The following TRIQK variants were observed in gnomAD, a reference collection of about 807,000 sequenced individuals.
TRIQK encodes the protein triple QxxK/R motif-containing protein.
Under a neutral mutation model 10.8 loss-of-function variants are expected in TRIQK, and 10 were observed. The ratio of observed to expected loss-of-function variants is 0.92; its 90% CI spans 0.57 to 1.57. TRIQK has a LOEUF of 1.57. Among genes scored for constraint, TRIQK ranks in the 40% most tolerant of loss-of-function variants. The probability of loss-of-function intolerance (pLI) is 0.00; values close to 1 mark genes in which losing one functional copy is unlikely to be tolerated. For synonymous variants in TRIQK, 33 were observed against 33.7 expected, an observed-to-expected ratio of 0.98 and a Z score of 0.07; for missense variants, 107 against 97.7, an observed-to-expected ratio of 1.09 and a Z score of -0.40.
At chr8:92,959,253 G>T (rs575301044) in intron 1 of TRIQK, among the ~76,000 whole-genome samples, 2 of 151,926 alleles carry the variant, frequency 1.3e-5, no homozygotes, top group African/African-American at 4.8e-5. Context: ...TCAATGGTTT[G>T]GGGATATTTT....
intron 1 of TRIQK, among the ~76,000 whole-genome samples, chr8:93,008,259 T>C (rs1457796484): frequency 6.6e-6 from 1 of 152,144 alleles, no homozygotes; most frequent in East Asian, 1.9e-4. Flanking sequence ...GTAATAAACC[T>C]GCACATACTG....
intron 2 of TRIQK, among the ~76,000 whole-genome samples, chr8:92,917,639 T>G (rs1197323861): frequency 6.6e-6 from 1 of 152,016 alleles, no homozygotes; most frequent in African/African-American, 2.4e-5. Flanking sequence ...GGTGGATATA[T>G]GTAATATTTT....
Position 92,884,830 on chromosome 8 carries a change from G to A in TRIQK, c.*1792C>T, listed in dbSNP as rs922102306. ...AAATAACTAAATGAAAATTGTTCAC[G>A]TAAATGTGATGGGAGTGGGGGGGTG... On this transcript the variant is annotated 3_prime_UTR_variant, in exon 5 of 5. Coordinates refer to ENST00000521988, the MANE Select transcript of TRIQK (RefSeq NM_001171797.2). The A allele has an allele frequency of 8.8e-6, 4 of 455,026 alleles. No individual in the cohort carries two copies. The highest frequency in any genetic ancestry group is 1.8e-5 in the Non-Finnish European group (4 of 226,430). The allele number at this position is 455,026 out of a possible 1,614,324, so 28.2% of individuals were successfully genotyped here.
intron 1 of TRIQK, among the ~76,000 whole-genome samples, chr8:92,980,174 A>G (rs1812972527): frequency 6.6e-6 from 1 of 152,048 alleles, no homozygotes; most frequent in Non-Finnish European, 1.5e-5. Flanking sequence ...TATTTCCAGT[A>G]AATGTTTGTC....
At chr8:92,951,169 C>T (rs760290197) in intron 2 of TRIQK, among the ~76,000 whole-genome samples, 2 of 151,022 alleles carry the variant, frequency 1.3e-5, no homozygotes, top group Non-Finnish European at 2.9e-5. Flanking sequence ...TCTGCAATTG[C>T]CTGAATTCAT....
intron 1 of TRIQK, among the ~76,000 whole-genome samples, chr8:92,996,427 C>T (rs916545006): frequency 6.6e-6 from 1 of 151,872 alleles, no homozygotes; most frequent in African/African-American, 2.4e-5. Context: ...GACATGTAAG[C>T]AAAATTGTGT....
chr8:92,940,072 G>C (rs1239051286), intron 2 of TRIQK, among the ~76,000 whole-genome samples: 3 of 152,190 alleles, frequency 2.0e-5, no homozygotes, highest in African/African-American at 7.2e-5. Context: ...AACCCAGAGA[G>C]TAGCATTATC....
At chr8:92,970,496 G>A (rs1483040850), upstream of TRIQK, among the ~76,000 whole-genome samples, 2 of 152,136 alleles carry the variant, frequency 1.3e-5, no homozygotes, top group African/African-American at 4.8e-5. Flanking sequence ...TTGCCATTCT[G>A]ACTGGTGTGA....
upstream of TRIQK, among the ~76,000 whole-genome samples, chr8:92,967,697 C>A (rs1202677028): frequency 2.0e-5 from 3 of 151,478 alleles, no homozygotes; most frequent in African/African-American, 7.3e-5. Context: ...TGGCAGGCAC[C>A]TGTAATCCCA....
rs67063066 is a variant in TRIQK, at chr8:92,898,833, GTATATATATATATATATATATA to G, written c.62-6781_62-6760del. On this transcript the variant is annotated intron_variant, in intron 3 of 4. Coordinates refer to ENST00000521988, the MANE Select transcript of TRIQK (RefSeq NM_001171797.2). ...GCAGGTACATAATAGGTGTGTGTGT[GTATATATATATATATATATATA>G]TATATATATATATATATAGATGGGG... Among the ~76,000 whole-genome samples, 25 of 73,920 alleles carry G rather than the reference GTATATATATATATATATATATA, an allele frequency of 3.4e-4. 1 individual carries two copies. The South Asian group carries it at 6.8e-3, about 20-fold the overall frequency. 48.5% of individuals were successfully genotyped at this position (73,920 alleles called of 152,430 possible).
chr8:92,975,242 A>G (rs1333192218), intron 1 of TRIQK, among the ~76,000 whole-genome samples: 1 of 152,196 alleles, frequency 6.6e-6, no homozygotes, highest in Non-Finnish European at 1.5e-5. Flanking sequence ...ACTTTTCTTC[A>G]TTGTCTAGAA....
At chr8:92,934,905 A>T (rs972653117) in intron 2 of TRIQK, among the ~76,000 whole-genome samples, 14 of 151,932 alleles carry the variant, frequency 9.2e-5, no homozygotes, top group African/African-American at 3.4e-4. Flanking sequence ...TAACTCTACT[A>T]TGTAGAAACA....
At chr8:93,009,607 C>CA (rs35457757) in intron 1 of TRIQK, among the ~76,000 whole-genome samples, 21,203 of 135,554 alleles carry the variant, frequency 0.16, 1,757 homozygotes, top group East Asian at 0.34. Context: ...GACTCTGCCT[C>CA]AAAAAAAAAA....
At chr8:93,010,397 G>C (rs926624732) in intron 1 of TRIQK, among the ~76,000 whole-genome samples, 2 of 151,316 alleles carry the variant, frequency 1.3e-5, no homozygotes, top group African/African-American at 2.4e-5. Flanking sequence ...AATATTATGT[G>C]TCCATTAAAA....
intron 3 of TRIQK, among the ~76,000 whole-genome samples, chr8:92,912,454 C>T (rs1809621136): frequency 6.6e-6 from 1 of 151,450 alleles, no homozygotes; most frequent in South Asian, 2.1e-4. Context: ...TAACAATAAA[C>T]AACTAGATTT....
At chr8:92,912,024 C>CA (rs1056245860) in intron 3 of TRIQK, among the ~76,000 whole-genome samples, 4 of 150,426 alleles carry the variant, frequency 2.7e-5, no homozygotes, top group Non-Finnish European at 3.0e-5. Context: ...ATTATTGAGA[C>CA]AAAAAACTCA....
rs1485758777 is a variant in TRIQK, at chr8:92,886,131, T to C, written c.*491A>G. 1 of 151,828 alleles carries C rather than the reference T, an allele frequency of 6.6e-6. No homozygotes were observed. Among genetic ancestry groups the C allele is most frequent in the Non-Finnish European group, 1.5e-5 (1 of 67,898 alleles). 9.4% of individuals were successfully genotyped at this position (151,828 alleles called of 1,614,324 possible). A position where few individuals can be genotyped will look rare whatever the true frequency, so the allele number is the denominator to read the frequency against. Reference sequence around the variant, plus strand: ...ATGGTAGATGTATGTGCAGATAGTCTCTCTAATGATGTAAAATACGTCCAG... The same window carrying C: ...ATGGTAGATGTATGTGCAGATAGTCCCTCTAATGATGTAAAATACGTCCAG... On this transcript the variant is annotated 3_prime_UTR_variant, in exon 5 of 5. Coordinates refer to ENST00000521988, the MANE Select transcript of TRIQK (RefSeq NM_001171797.2).
chr8:92,936,809 T>C (rs1057020371), intron 2 of TRIQK, among the ~76,000 whole-genome samples: 4 of 151,776 alleles, frequency 2.6e-5, no homozygotes, highest in African/African-American at 9.7e-5. Flanking sequence ...AGCCAGGTTA[T>C]GATATATAAA....
chr8:92,911,489 C>T (rs1175399950), intron 3 of TRIQK, among the ~76,000 whole-genome samples: 1 of 151,212 alleles, frequency 6.6e-6, no homozygotes. Flanking sequence ...TAGAGTGTCT[C>T]AATGGATAAA....
Sources: gnomAD v4.1 joint callset for allele counts (sites outside exome capture counted in the v4.1 genomes callset) on GRCh38, gnomAD v4.1.1 for gene constraint, MANE v1.5 for transcripts, NCBI Gene and HGNC (gene_info 2026-07-23, HGNC 2026-07-21) for gene names.